The following RUNX1 variants were observed in gnomAD, a reference collection of about 807,000 sequenced individuals.
RUNX1 encodes the protein runt-related transcription factor 1.
Under a neutral mutation model 42.8 loss-of-function variants are expected in RUNX1, and 19 were observed. That is an observed-to-expected ratio of 0.44 (90% confidence interval 0.31 to 0.65). The LOEUF is 0.65. RUNX1 is among the 30% of genes least tolerant of loss of function. The pLI is 0.07. For missense variants in RUNX1, 528 were observed against 672.0 expected, an observed-to-expected ratio of 0.79 and a Z score of 2.37; for synonymous variants, 271 against 289.4, an observed-to-expected ratio of 0.94 and a Z score of 0.64.
At chr21:34,908,317 G>A (rs780424463) in intron 2 of RUNX1, among the ~76,000 whole-genome samples, 1 of 152,098 alleles carries the variant, frequency 6.6e-6, no homozygotes, top group African/African-American at 2.4e-5. Flanking sequence ...GTGTCAATCA[G>A]GAAGGTATTT....
chr21:34,988,985 C>T (rs1414096452), intron 2 of RUNX1, among the ~76,000 whole-genome samples: 1 of 150,500 alleles, frequency 6.6e-6, no homozygotes, highest in Non-Finnish European at 1.5e-5. Flanking sequence ...GTGCCTTTGG[C>T]TGGCCCAGAT....
chr21:34,983,681 G>A (rs960079855), intron 2 of RUNX1, among the ~76,000 whole-genome samples: 1 of 152,194 alleles, frequency 6.6e-6, no homozygotes, highest in African/African-American at 2.4e-5. Context: ...ACTTATCTGT[G>A]GAGGAGACCA....
At chr21:34,982,897 T>C (rs1353215377) in intron 2 of RUNX1, among the ~76,000 whole-genome samples, 4 of 152,216 alleles carry the variant, frequency 2.6e-5, no homozygotes, top group Non-Finnish European at 5.9e-5. Flanking sequence ...GGAAATGAAC[T>C]CAGAAGTTAA....
At chr21:35,042,092 A>AG (rs2059364148) in intron 2 of RUNX1, among the ~76,000 whole-genome samples, 1 of 152,178 alleles carries the variant, frequency 6.6e-6, no homozygotes, top group South Asian at 2.1e-4. Flanking sequence ...CCATAGATAC[A>AG]GGGCTGTCTG....
At chr21:34,831,800 G>C (rs2057067329) in intron 7 of RUNX1, among the ~76,000 whole-genome samples, 1 of 152,008 alleles carries the variant, frequency 6.6e-6, no homozygotes, top group South Asian at 2.1e-4. Context: ...GGTCTTGGCT[G>C]AACAAGACTT....
At chr21:34,996,875 C>A (rs2059000800) in intron 2 of RUNX1, among the ~76,000 whole-genome samples, 2 of 152,122 alleles carry the variant, frequency 1.3e-5, no homozygotes, top group South Asian at 4.1e-4. Flanking sequence ...TACTCCCAAA[C>A]ATAAGAGTTT....
At chr21:34,845,762 C>T (rs943542467) in intron 6 of RUNX1, among the ~76,000 whole-genome samples, 1 of 151,870 alleles carries the variant, frequency 6.6e-6, no homozygotes, top group Admixed American at 6.6e-5. Context: ...TTCATTTTCT[C>T]AGCAGCTGCA....
At chr21:35,042,523 C>G (rs1437326017) in intron 2 of RUNX1, among the ~76,000 whole-genome samples, 1 of 152,222 alleles carries the variant, frequency 6.6e-6, no homozygotes, top group African/African-American at 2.4e-5. Context: ...TCAGTTCCCT[C>G]CAGCCAGAGG....
intron 7 of RUNX1, among the ~76,000 whole-genome samples, chr21:34,817,640 G>A (rs1319393535): frequency 6.6e-6 from 1 of 152,118 alleles, no homozygotes; most frequent in Admixed American, 6.5e-5. Context: ...GCCACTACAT[G>A]TGTGAGATTT....
chr21:34,958,264 C>T (rs2058659059), intron 2 of RUNX1, among the ~76,000 whole-genome samples: 1 of 152,148 alleles, frequency 6.6e-6, no homozygotes, highest in Non-Finnish European at 1.5e-5. Flanking sequence ...CCTACAGAGG[C>T]TCAGTGAACA....
chr21:34,962,700 C>T (rs1468975437), intron 2 of RUNX1, among the ~76,000 whole-genome samples: 1 of 152,234 alleles, frequency 6.6e-6, no homozygotes, highest in Non-Finnish European at 1.5e-5. Context: ...AGTTTCCACT[C>T]CCTCGTTCAC....
chr21:34,853,538 C>A (rs1425450479), intron 6 of RUNX1, among the ~76,000 whole-genome samples: 1 of 152,162 alleles, frequency 6.6e-6, no homozygotes, highest in Non-Finnish European at 1.5e-5. Context: ...TTACTAGTTG[C>A]GTGACTTTGG....
chr21:34,887,036 C>T lies in RUNX1; in HGVS notation c.158G>A (p.Ser53Asn), dbSNP rs751557379. 1.2e-6 allele frequency: 2 copies of T among 1,601,276 alleles called. No homozygotes were observed. Among genetic ancestry groups the T allele is most frequent in the South Asian group, 1.1e-5 (1 of 91,026 alleles). Residue 53 changes from serine to asparagine, a missense_variant, in exon 4 of 9, where the codon AGC becomes AAC. Coordinates refer to ENST00000675419, the MANE Select transcript of RUNX1 (RefSeq NM_001754.5). Reference protein sequence around the residue: ...PSTALSPGKMSEALPLGAPDA... With the variant: ...PSTALSPGKMNEALPLGAPDA... ...CGGGGCGCCCAGCGGCAACGCCTCGCTCATCTTGCCTGGGCTCAGCGCGGT... is the reference window on the plus strand; with the variant it reads ...CGGGGCGCCCAGCGGCAACGCCTCGTTCATCTTGCCTGGGCTCAGCGCGGT...
At chr21:34,945,224 T>C (rs1013713959) in intron 2 of RUNX1, among the ~76,000 whole-genome samples, 1 of 152,236 alleles carries the variant, frequency 6.6e-6, no homozygotes, top group Admixed American at 6.5e-5. Context: ...TATAGTATCA[T>C]AGTTACATAA....
intron 2 of RUNX1, among the ~76,000 whole-genome samples, chr21:34,931,891 T>G (rs2058450153): frequency 6.6e-6 from 1 of 152,108 alleles, no homozygotes; most frequent in Non-Finnish European, 1.5e-5. Context: ...CTGAGAAGTC[T>G]GTACTGAATT....
chr21:34,909,372 G>C (rs2058252839), intron 2 of RUNX1, among the ~76,000 whole-genome samples: 2 of 152,050 alleles, frequency 1.3e-5, no homozygotes, highest in Non-Finnish European at 2.9e-5. Flanking sequence ...TCCACTTGGA[G>C]CACATCAGAT....
intron 2 of RUNX1, among the ~76,000 whole-genome samples, chr21:35,014,778 C>T (rs2059148367): frequency 6.6e-6 from 1 of 152,252 alleles, no homozygotes; most frequent in African/African-American, 2.4e-5. Context: ...TCTGCCGAGG[C>T]AGCCGTTTAC....
rs376719817 is a variant in RUNX1, at chr21:34,890,724, TC to T, written c.97+2200del. Among the ~76,000 whole-genome samples the T allele has an allele frequency of 7.5e-3, 1,052 of 140,248 alleles. 19 individuals are homozygous for T. The highest frequency in any genetic ancestry group is 0.027 in the African/African-American group (1,001 of 36,990). The allele number at this position is 140,248 out of a possible 152,430, so 92.0% of individuals were successfully genotyped here. Reference sequence around the variant, plus strand: ...TTTTAAGCCTAATTCCAGTTGTAAATCCCCCCCTCCCCCCGCCCAAACGTCC... The same window carrying T: ...TTTTAAGCCTAATTCCAGTTGTAAATCCCCCCTCCCCCCGCCCAAACGTCC... On this transcript the variant is annotated intron_variant, in intron 3 of 8. Coordinates refer to ENST00000675419, the MANE Select transcript of RUNX1 (RefSeq NM_001754.5).
At chr21:34,971,781 C>T (rs1226973086) in intron 2 of RUNX1, among the ~76,000 whole-genome samples, 2 of 152,046 alleles carry the variant, frequency 1.3e-5, no homozygotes, top group African/African-American at 2.4e-5. Context: ...TCTTTGGAGC[C>T]CATGAATTGC....
Sources: gnomAD v4.1 joint callset for allele counts (sites outside exome capture counted in the v4.1 genomes callset) on GRCh38, gnomAD v4.1.1 for gene constraint, MANE v1.5 for transcripts, NCBI Gene and HGNC (gene_info 2026-07-23, HGNC 2026-07-21) for gene names.